NOX4: variants seen among roughly 807,000 people sequenced by gnomAD.
NOX4 encodes kidney oxidase-1.
NOX4 carries 69 observed loss-of-function variants against 87.6 expected under a neutral mutation model. The observed-to-expected ratio is 0.79, with a 90% confidence interval of 0.65 to 0.96. The LOEUF is 0.96. Among genes scored for constraint, NOX4 ranks in the 40% least tolerant of loss-of-function variants. The pLI is 0.00. For synonymous variants in NOX4, 275 were observed against 238.2 expected (o/e 1.15, Z -1.42); for missense variants, 680 against 681.5 (o/e 1.00, Z 0.02).
the NOX4 span, among the ~76,000 whole-genome samples, chr11:89,531,844 T>G: frequency 6.6e-6 from 1 of 152,344 alleles, no homozygotes; most frequent in East Asian, 1.9e-4. Context: ...TGCTGTTTTG[T>G]GCAGCCTGGG....
chr11:89,502,617 T>C (rs1396947575), upstream of NOX4, among the ~76,000 whole-genome samples: 1 of 152,032 alleles, frequency 6.6e-6, no homozygotes, highest in Non-Finnish European at 1.5e-5. Context: ...TCCACCATCA[T>C]TTTTGGAATT....
chr11:89,354,550 A>G (rs1937853917), intron 13 of NOX4, among the ~76,000 whole-genome samples: 1 of 152,218 alleles, frequency 6.6e-6, no homozygotes, highest in Admixed American at 6.5e-5. Flanking sequence ...GTCAAAAATC[A>G]TATCTAGCCC....
chr11:89,400,971 G>C (rs1941815894), intron 9 of NOX4, among the ~76,000 whole-genome samples: 1 of 151,830 alleles, frequency 6.6e-6, no homozygotes, highest in Non-Finnish European at 1.5e-5. Context: ...TTATAATTTG[G>C]AAACCATGAC....
chr11:89,487,645 C>A (rs558045099), intron 2 of NOX4, among the ~76,000 whole-genome samples: 1 of 152,166 alleles, frequency 6.6e-6, no homozygotes, highest in Non-Finnish European at 1.5e-5. Flanking sequence ...TATACCTTGA[C>A]TCTCTTCAGG....
intron 4 of NOX4, among the ~76,000 whole-genome samples, chr11:89,449,072 T>A (rs1205812000): frequency 6.6e-6 from 1 of 152,006 alleles, no homozygotes; most frequent in East Asian, 1.9e-4. Flanking sequence ...ACAAGACACA[T>A]CCATTTTCTG....
the NOX4 span, among the ~76,000 whole-genome samples, chr11:89,554,169 G>A: frequency 6.6e-6 from 1 of 151,606 alleles, no homozygotes; most frequent in African/African-American, 2.4e-5. Flanking sequence ...AAGGGGGGGA[G>A]GGGAATCTCT....
At chr11:89,484,031 C>A (rs576385533) in intron 2 of NOX4, among the ~76,000 whole-genome samples, 1 of 152,192 alleles carries the variant, frequency 6.6e-6, no homozygotes, top group East Asian at 1.9e-4. Flanking sequence ...GCCTTCCATA[C>A]TATGGATGAG....
At chr11:89,407,478 C>A (rs1942251568) in intron 8 of NOX4, among the ~76,000 whole-genome samples, 2 of 152,160 alleles carry the variant, frequency 1.3e-5, no homozygotes, top group Middle Eastern at 3.4e-3. Context: ...GTTCTCCTAT[C>A]ATGAGAAATA....
intron 11 of NOX4, among the ~76,000 whole-genome samples, chr11:89,391,003 T>C (rs1324392392): frequency 1.3e-5 from 2 of 152,162 alleles, no homozygotes; most frequent in Admixed American, 6.6e-5. Context: ...GACTGTGCTA[T>C]AAAGAGATGG....
intron 13 of NOX4, among the ~76,000 whole-genome samples, chr11:89,354,227 G>T (rs1451639199): frequency 1.3e-5 from 2 of 151,960 alleles, no homozygotes; most frequent in African/African-American, 4.8e-5. Flanking sequence ...TTATTCTTTA[G>T]CCTGTTGCAC....
At chr11:89,587,516 G>A in the NOX4 span, among the ~76,000 whole-genome samples, 1 of 152,126 alleles carries the variant, frequency 6.6e-6, no homozygotes, top group Admixed American at 6.6e-5. Context: ...AATCAGAGGG[G>A]AGGAAAACTA....
At chr11:89,521,778 T>C in the NOX4 span, among the ~76,000 whole-genome samples, 3 of 152,012 alleles carry the variant, frequency 2.0e-5, no homozygotes, top group Non-Finnish European at 2.9e-5. Flanking sequence ...TCACAAACTA[T>C]GCATCCAACA....
At chr11:89,442,745 G>T (rs896097953) in intron 5 of NOX4, among the ~76,000 whole-genome samples, 4 of 151,860 alleles carry the variant, frequency 2.6e-5, no homozygotes, top group African/African-American at 9.7e-5. Flanking sequence ...ACTTTTCAAA[G>T]AAAATAAATT....
rs544334468 is a variant in NOX4 at position 89,345,186 on chromosome 11, C to T, written c.1218-2993G>A. Among the ~76,000 whole-genome samples, 285 of 152,258 alleles carry T rather than the reference C, an allele frequency of 1.9e-3. 1 individual carries two copies. Among genetic ancestry groups the T allele is most frequent in the Non-Finnish European group, 3.3e-3 (225 of 68,014 alleles). ...AAACACAGAATGCTAGGCCCTACCC[C>T]AAGACTTGCTGACTCAGAAGTCTGA... is the stretch of plus-strand genomic sequence containing the variant. On this transcript the variant is annotated intron_variant, in intron 13 of 17. Transcript: ENST00000263317.
the NOX4 span, among the ~76,000 whole-genome samples, chr11:89,571,225 CT>C: frequency 6.6e-6 from 1 of 151,888 alleles, no homozygotes; most frequent in Non-Finnish European, 1.5e-5. Context: ...AGCATTTTTA[CT>C]CTCTTGATGG....
the NOX4 span, among the ~76,000 whole-genome samples, chr11:89,560,393 A>C: frequency 1.3e-5 from 2 of 152,078 alleles, no homozygotes; most frequent in South Asian, 2.1e-4. Context: ...AACAAACAAA[A>C]ATTCTGTAGT....
chr11:89,359,944 T>C (rs1360573954), intron 12 of NOX4, among the ~76,000 whole-genome samples: 1 of 152,132 alleles, frequency 6.6e-6, no homozygotes, highest in Admixed American at 6.6e-5. Flanking sequence ...CACATTATAC[T>C]AATTTGCCAG....
In NOX4 at chr11:89,465,826, T is replaced by TG. The variant is rs1565326784; in HGVS notation, c.154-13932_154-13931insC. Among the ~76,000 whole-genome samples the TG allele has an allele frequency of 7.7e-3, 1,109 of 144,000 alleles. 23 individuals carry two copies. Among genetic ancestry groups the TG allele is most frequent in the African/African-American group, 0.03 (1,041 of 34,256 alleles). 94.5% of individuals were successfully genotyped at this position (144,000 alleles called of 152,430 possible). ...TCCTTTGCTCACTTTATGATGGGGT[T>TG]TTTTTTTTCTTGTAAATTTGTTTAA... On this transcript the variant is annotated intron_variant, in intron 2 of 17. Transcript: ENST00000263317.
chr11:89,545,779 T>C, the NOX4 span: 2 of 151,600 alleles, frequency 1.3e-5, no homozygotes, highest in Non-Finnish European at 2.9e-5. Flanking sequence ...ATTGTCATGA[T>C]GAAAAAGCAG....
Sources: allele counts gnomAD v4.1 joint callset (sites outside exome capture counted in the v4.1 genomes callset), GRCh38; gene constraint gnomAD v4.1.1; transcripts MANE v1.5; gene names NCBI Gene and HGNC (gene_info 2026-07-23, HGNC 2026-07-21).